Variants in RNF17 observed in about 807,000 individuals in gnomAD.
The protein encoded by RNF17 is spermatogenesis associated 23.
Under a neutral mutation model 200.5 loss-of-function variants are expected in RNF17, and 31 were observed. That is an observed-to-expected ratio of 0.15 (90% CI 0.12 to 0.21). RNF17 has a LOEUF of 0.21. Ranked by LOEUF, RNF17 falls within the 10% of genes least tolerant of loss-of-function variation. The pLI is 1.00. For missense variants in RNF17, 1,628 were observed against 1,905.1 expected (o/e 0.85, Z 2.71); for synonymous variants, 606 against 637.8 (o/e 0.95, Z 0.75).
intron 32 of RNF17, among the ~76,000 whole-genome samples, chr13:24,871,250 G>A (rs1894217361): frequency 6.6e-6 from 1 of 152,182 alleles, no homozygotes; most frequent in African/African-American, 2.4e-5. Flanking sequence ...AGTTATTGCG[G>A]TATGTAATGC....
chr13:24,769,766 A>G (rs1217507847), intron 2 of RNF17, among the ~76,000 whole-genome samples: 1 of 152,206 alleles, frequency 6.6e-6, no homozygotes, highest in Non-Finnish European at 1.5e-5. Context: ...GGCCTAGGTA[A>G]TGCTGTTTAC....
At chr13:24,811,863 C>G (rs1170226876) in intron 15 of RNF17, among the ~76,000 whole-genome samples, 2 of 152,112 alleles carry the variant, frequency 1.3e-5, no homozygotes, top group African/African-American at 4.8e-5. Context: ...TTCATACAGA[C>G]AGGACCCTCA....
At chr13:24,784,376 G>A (rs753187759) in intron 6 of RNF17, among the ~76,000 whole-genome samples, 7 of 152,152 alleles carry the variant, frequency 4.6e-5, no homozygotes, top group Non-Finnish European at 7.4e-5. Flanking sequence ...GTTAGGGAAC[G>A]TTTCTGCCCT....
intron 6 of RNF17, among the ~76,000 whole-genome samples, chr13:24,786,348 C>T (rs1883106565): frequency 1.3e-5 from 2 of 152,126 alleles, no homozygotes; most frequent in African/African-American, 4.8e-5. Flanking sequence ...AAATTACATT[C>T]CTCTATATTG....
intron 3 of RNF17, 40 bp from the exon 4 acceptor site, chr13:24,778,255 C>G (rs1219497325): frequency 2.9e-6 from 4 of 1,361,404 alleles, no homozygotes; most frequent in Non-Finnish European, 3.1e-6. Flanking sequence ...GAGAAAGATC[C>G]TGTCACAAAA....
At chr13:24,839,140 A>T (rs1890341405) in intron 18 of RNF17, among the ~76,000 whole-genome samples, 1 of 152,206 alleles carries the variant, frequency 6.6e-6, no homozygotes, top group East Asian at 1.9e-4. Context: ...CTAGAAGGAA[A>T]ACTACAAAAC....
chr13:24,854,701 T>C (rs1892278427), intron 25 of RNF17, among the ~76,000 whole-genome samples: 1 of 152,130 alleles, frequency 6.6e-6, no homozygotes, highest in Non-Finnish European at 1.5e-5. Flanking sequence ...TAATAGGAAT[T>C]CCTCATGTGA....
intron 32 of RNF17, among the ~76,000 whole-genome samples, chr13:24,873,833 T>C (rs1243354879): frequency 1.3e-5 from 2 of 152,184 alleles, no homozygotes; most frequent in Non-Finnish European, 2.9e-5. Flanking sequence ...TCTGTGCTTG[T>C]CTTATCTTAG....
intron 4 of RNF17, 136 bp downstream of exon 4, chr13:24,778,542 G>A: frequency 3.0e-6 from 2 of 670,598 alleles, no homozygotes; most frequent in Non-Finnish European, 5.3e-6. Flanking sequence ...CCTCTTACTT[G>A]AATCTCTTTT....
At chr13:24,809,711 T>C (rs1886358357) in intron 15 of RNF17, among the ~76,000 whole-genome samples, 1 of 152,242 alleles carries the variant, frequency 6.6e-6, no homozygotes, top group African/African-American at 2.4e-5. Flanking sequence ...CTTGCTTTTC[T>C]AGTTGTTTAA....
rs138722238 is a variant in RNF17 at position 24,822,773 on chromosome 13, G to A, written c.2092-2846G>A. ...AATATGAAACGAAACCTAAAGGGTCGTGAATATAAAATGAAATGACAGAGG... is the reference window on the plus strand; with the variant it reads ...AATATGAAACGAAACCTAAAGGGTCATGAATATAAAATGAAATGACAGAGG... On this transcript the variant is annotated intron_variant, in intron 15 of 35. Transcript: ENST00000255324. Among the ~76,000 whole-genome samples, 626 of 152,252 alleles carry A rather than the reference G, an allele frequency of 4.1e-3. 5 individuals carry two copies. Among genetic ancestry groups the A allele is most frequent in the Non-Finnish European group, 6.9e-3 (471 of 68,018 alleles).
rs184648680 is a variant in RNF17 at position 24,861,873 on chromosome 13, A to G, written c.3894+486A>G. Reference sequence around the variant, plus strand: ...ATTTTCACACTGCTATAAAGATACTACCTAAGACTGGGTAATTTATGAAGA... The same window carrying G: ...ATTTTCACACTGCTATAAAGATACTGCCTAAGACTGGGTAATTTATGAAGA... On this transcript the variant is annotated intron_variant, in intron 27 of 35. Coordinates refer to ENST00000255324, the MANE Select transcript of RNF17 (RefSeq NM_031277.3). Among the ~76,000 whole-genome samples, 3 of 152,278 alleles carry G rather than the reference A, an allele frequency of 2.0e-5. No individual in the cohort carries two copies. The East Asian group carries it at 5.8e-4, about 29-fold the overall frequency.
chr13:24,750,653 G>A, the RNF17 span: 1 of 152,162 alleles, frequency 6.6e-6, no homozygotes, highest in East Asian at 1.9e-4. Flanking sequence ...CTCTCCAGGA[G>A]CTTGAAAATA....
intron 31 of RNF17, 132 bp from the exon 32 acceptor site, chr13:24,870,439 A>G: frequency 1.5e-6 from 1 of 649,572 alleles, no homozygotes; most frequent in Non-Finnish European, 2.7e-6. Flanking sequence ...AAGGAATAGG[A>G]GGTGAATATC....
intron 14 of RNF17, 84 bp from the exon 15 acceptor site, chr13:24,804,204 A>G: frequency 7.9e-7 from 1 of 1,258,794 alleles, no homozygotes; most frequent in Admixed American, 2.0e-5. Flanking sequence ...TAGAGGCTGC[A>G]GTGAGCCATG....
At chr13:24,831,302 C>T (rs1030576344) in intron 17 of RNF17, among the ~76,000 whole-genome samples, 1 of 151,898 alleles carries the variant, frequency 6.6e-6, no homozygotes, top group Non-Finnish European at 1.5e-5. Context: ...ATTAGCTGGG[C>T]GTGGTGGTGT....
At chr13:24,791,993 G>C (rs1318181588) in intron 9 of RNF17, among the ~76,000 whole-genome samples, 1 of 152,174 alleles carries the variant, frequency 6.6e-6, no homozygotes, top group Non-Finnish European at 1.5e-5. Flanking sequence ...CCTTGCCAGA[G>C]GAAGTGGAAT....
At chr13:24,779,875 A>T (rs1882113042) in intron 5 of RNF17, 128 bp downstream of exon 5, 2 of 627,460 alleles carry the variant, frequency 3.2e-6, no homozygotes. Flanking sequence ...AATCTAAAAA[A>T]GAATGGAAAA....
chr13:24,850,161 G>T (rs936405392), intron 22 of RNF17, among the ~76,000 whole-genome samples, 180 bp from the exon 23 acceptor site: 1 of 152,110 alleles, frequency 6.6e-6, no homozygotes, highest in African/African-American at 2.4e-5. Context: ...ATGAAAAAAA[G>T]ATAGGAAAAT....
Sources: gnomAD v4.1 joint callset for allele counts (sites outside exome capture counted in the v4.1 genomes callset) on GRCh38, gnomAD v4.1.1 for gene constraint, MANE v1.5 for transcripts, NCBI Gene and HGNC (gene_info 2026-07-23, HGNC 2026-07-21) for gene names.